ANO3: variants seen among roughly 807,000 people sequenced by gnomAD.
The protein encoded by ANO3 is anoctamin 3, also known as anoctamin-3.
In ANO3, 99 loss-of-function variants were observed where a neutral mutation model predicts 144.8. The observed-to-expected ratio is 0.68, with a 90% CI of 0.58 to 0.81. The LOEUF is 0.81. Ranked by LOEUF, ANO3 falls within the 30% of genes least tolerant of loss-of-function variation. The pLI, the probability that ANO3 is intolerant of heterozygous loss-of-function variation, is 0.00. For synonymous variants in ANO3, 414 were observed against 392.6 expected, an observed-to-expected ratio of 1.05 and a Z score of -0.64; for missense variants, 905 against 1,202.2, an observed-to-expected ratio of 0.75 and a Z score of 3.66.
At chr11:26,361,929 T>G (rs1855939090) in intron 1 of ANO3, among the ~76,000 whole-genome samples, 1 of 152,224 alleles carries the variant, frequency 6.6e-6, no homozygotes, top group South Asian at 2.1e-4. Context: ...TCATAATGAC[T>G]GCACAGTTTC....
At chr11:26,579,636 C>T (rs1851077761) in intron 14 of ANO3, among the ~76,000 whole-genome samples, 1 of 152,162 alleles carries the variant, frequency 6.6e-6, no homozygotes, top group South Asian at 2.1e-4. Context: ...TAGGAGAAAG[C>T]AACAGATTAG....
chr11:26,239,212 A>G (rs1162785755), intron 1 of ANO3, among the ~76,000 whole-genome samples: 8 of 152,102 alleles, frequency 5.3e-5, no homozygotes, highest in African/African-American at 1.9e-4. Context: ...CTTTAGGCAG[A>G]AAAATAATAC....
chr11:26,509,972 T>C (rs2134140197), intron 5 of ANO3, among the ~76,000 whole-genome samples: 1 of 151,572 alleles, frequency 6.6e-6, no homozygotes, highest in East Asian at 2.0e-4. Flanking sequence ...TGAAAACCCA[T>C]CTCTTACAAA....
chr11:26,223,794 G>A (rs747874629), intron 1 of ANO3, among the ~76,000 whole-genome samples: 1 of 151,874 alleles, frequency 6.6e-6, no homozygotes, highest in Non-Finnish European at 1.5e-5. Context: ...TAGAGCAGGA[G>A]CAAGAGACAG....
chr11:26,520,805 A>C (rs550849084), intron 6 of ANO3, among the ~76,000 whole-genome samples: 1 of 152,234 alleles, frequency 6.6e-6, no homozygotes, highest in East Asian at 1.9e-4. Flanking sequence ...TGGGTATATA[A>C]ATTTTTAGCA....
intron 14 of ANO3, among the ~76,000 whole-genome samples, chr11:26,595,472 T>TG (rs1287425377): frequency 4.6e-4 from 62 of 135,476 alleles, no homozygotes; most frequent in Non-Finnish European, 8.4e-4. Flanking sequence ...TTTTTTTTTT[T>TG]TTTTTTTTTT....
intron 4 of ANO3, among the ~76,000 whole-genome samples, chr11:26,464,637 T>C (rs926951958): frequency 3.3e-5 from 5 of 151,832 alleles, no homozygotes; most frequent in African/African-American, 9.7e-5. Flanking sequence ...TTTAAAAAAG[T>C]TGGACCTGCA....
chr11:26,541,913 T>G (rs760489399), intron 10 of ANO3, 34 bp from the exon 11 acceptor site: 1 of 1,580,982 alleles, frequency 6.3e-7, no homozygotes, highest in South Asian at 1.2e-5. Context: ...CACTAAAAAA[T>G]AGAACCAAAT....
chr11:26,461,577 C>G (rs974314692), intron 3 of ANO3, among the ~76,000 whole-genome samples: 2 of 151,988 alleles, frequency 1.3e-5, no homozygotes, highest in Non-Finnish European at 2.9e-5. Context: ...TTGTGTTTGC[C>G]ACTCTAATGT....
intron 8 of ANO3, among the ~76,000 whole-genome samples, chr11:26,533,394 C>T (rs9988921): frequency 0.55 from 84,266 of 151,874 alleles, 24,209 homozygotes; most frequent in East Asian, 0.79. Flanking sequence ...ACTGCAATTG[C>T]ATTTGCACCA....
At chr11:26,615,417 T>A (rs1217272144) in intron 17 of ANO3, among the ~76,000 whole-genome samples, 186 of 56,158 alleles carry the variant, frequency 3.3e-3, no homozygotes, top group South Asian at 5.5e-3. Context: ...TATATATATT[T>A]TTTTTTTTTC....
rs1355830427 is a variant in ANO3 at position 26,647,776 on chromosome 11, T to G, written c.2496T>G (p.Ala832=). 12 of 1,613,268 alleles carry G rather than the reference T, an allele frequency of 7.4e-6. No individual in the cohort carries two copies. Among genetic ancestry groups the G allele is most frequent in the Non-Finnish European group, 1.0e-5 (12 of 1,179,372 alleles). ...TGATCACCAATGCATTTGTAATTGCTATTACTTCTGATTACATCCCACGTT... is the reference window on the plus strand; with the variant it reads ...TGATCACCAATGCATTTGTAATTGCGATTACTTCTGATTACATCCCACGTT... ...LAVITNAFVI[A]ITSDYIPRFV... is the part of the protein sequence containing the mutation. The change falls in exon 24 of 27, where the codon GCT becomes GCG. Residue 832 remains alanine, a synonymous_variant. Transcript: ENST00000256737.
chr11:26,594,237 C>T (rs1484559971), intron 14 of ANO3, among the ~76,000 whole-genome samples: 2 of 152,156 alleles, frequency 1.3e-5, no homozygotes, highest in South Asian at 2.1e-4. Flanking sequence ...TCTGATTTTG[C>T]GTCCCAATGA....
intron 1 of ANO3, among the ~76,000 whole-genome samples, chr11:26,422,436 G>A (rs991513978): frequency 2.0e-5 from 3 of 151,920 alleles, no homozygotes; most frequent in Non-Finnish European, 4.4e-5. Flanking sequence ...TACATGTCTT[G>A]GACCTTCATG....
intron 1 of ANO3, among the ~76,000 whole-genome samples, chr11:26,240,072 A>G (rs1852629165): frequency 6.6e-6 from 1 of 152,192 alleles, no homozygotes; most frequent in Admixed American, 6.6e-5. Context: ...TATTGGGGCA[A>G]ATTACTTAAC....
intron 24 of ANO3, among the ~76,000 whole-genome samples, chr11:26,652,399 A>G (rs2133086352): frequency 6.6e-6 from 1 of 152,236 alleles, no homozygotes; most frequent in African/African-American, 2.4e-5. Flanking sequence ...ACAGACGTCT[A>G]TTATCACATC....
chr11:26,408,739 T>C (rs937670993), intron 1 of ANO3, among the ~76,000 whole-genome samples: 2 of 150,868 alleles, frequency 1.3e-5, no homozygotes, highest in African/African-American at 2.4e-5. Flanking sequence ...TGTCCAACAA[T>C]GATAGACTGG....
At chr11:26,397,187 A>T (rs80285677) in intron 1 of ANO3, among the ~76,000 whole-genome samples, 2 of 96,436 alleles carry the variant, frequency 2.1e-5, no homozygotes, top group South Asian at 3.7e-4. Flanking sequence ...ACATTTTAGT[A>T]CTCAGTACTT....
At chr11:26,274,210 A>T (rs549909025) in intron 1 of ANO3, among the ~76,000 whole-genome samples, 5 of 152,320 alleles carry the variant, frequency 3.3e-5, no homozygotes, top group Non-Finnish European at 7.4e-5. Flanking sequence ...ATATACAAAT[A>T]TAAAACATAC....
Sources: gnomAD v4.1 joint callset for allele counts (sites outside exome capture counted in the v4.1 genomes callset) on GRCh38, gnomAD v4.1.1 for gene constraint, MANE v1.5 for transcripts, NCBI Gene and HGNC (gene_info 2026-07-23, HGNC 2026-07-21) for gene names.